GREB1L: variants seen among roughly 807,000 people sequenced by gnomAD.
GREB1L encodes GREB1 like retinoic acid receptor coactivator.
A neutral mutation model predicts 200.8 loss-of-function variants in GREB1L; 17 were observed. That is an observed-to-expected ratio of 0.08 (90% CI 0.06 to 0.13). The LOEUF is 0.13. Among genes scored for constraint, GREB1L ranks in the 10% least tolerant of loss-of-function variants. The pLI is 1.00. For missense variants in GREB1L, 1,657 were observed against 2,367.7 expected (o/e 0.70, Z 6.23); for synonymous variants, 789 against 893.0 (o/e 0.88, Z 2.08).
intron 1 of GREB1L, among the ~76,000 whole-genome samples, chr18:21,330,321 G>A (rs2039089462): frequency 6.6e-6 from 1 of 152,200 alleles, no homozygotes; most frequent in Non-Finnish European, 1.5e-5. Flanking sequence ...AGTATTCAAG[G>A]TCACTGTGGT....
In GREB1L at chr18:21,357,319, T is replaced by C. The variant is rs181527771; in HGVS notation, c.-119-8708T>C. 7.7e-4 allele frequency among the ~76,000 whole-genome samples: 117 copies of C among 152,376 alleles called. 2 individuals carry two copies. The highest frequency in any genetic ancestry group is 2.7e-3 in the African/African-American group (113 of 41,590). On this transcript the variant is annotated intron_variant, in intron 1 of 32. Transcript: ENST00000424526. ...CGCCCGCCTCAGCCTCCCAAAGTGT[T>C]GGGATTACAGGCGTGAGCCTCTGCG...
At chr18:21,414,436 A>G (rs564543067) in intron 7 of GREB1L, among the ~76,000 whole-genome samples, 16 of 152,344 alleles carry the variant, frequency 1.1e-4, no homozygotes, top group African/African-American at 3.8e-4. Flanking sequence ...AAACATAAAA[A>G]TTCTCAAAAT....
intron 23 of GREB1L, 135 bp downstream of exon 23, chr18:21,500,777 A>T (rs1226890387): frequency 1.5e-6 from 1 of 650,750 alleles, no homozygotes; most frequent in Admixed American, 3.5e-5. Flanking sequence ...GCTAAAGATA[A>T]TGTGCCCAAG....
At chr18:21,248,992 G>T (rs1273492430) in intron 1 of GREB1L, among the ~76,000 whole-genome samples, 1 of 152,102 alleles carries the variant, frequency 6.6e-6, no homozygotes, top group Non-Finnish European at 1.5e-5. Flanking sequence ...ATGCACAAAG[G>T]CATATAGCAA....
chr18:21,356,550 C>T (rs1159876970), intron 1 of GREB1L, among the ~76,000 whole-genome samples: 2 of 152,108 alleles, frequency 1.3e-5, no homozygotes, highest in African/African-American at 4.8e-5. Context: ...ATATATACCA[C>T]ATTTTCCTTG....
chr18:21,499,769 T>C lies in GREB1L; in HGVS notation c.3432T>C (p.Ala1144=), dbSNP rs2036698205. Reference sequence around the variant, plus strand: ...ATGGAGTGAGCTCTTCCAGCACAGCTGACAAGTCCCAGAAGCAGTCCCTGA... The same window carrying C: ...ATGGAGTGAGCTCTTCCAGCACAGCCGACAAGTCCCAGAAGCAGTCCCTGA... ...MENGVSSSST[A]DKSQKQSLTP... Residue 1144 remains alanine, a synonymous_variant, in exon 22 of 33, where the codon GCT becomes GCC. Coordinates refer to ENST00000424526, the MANE Select transcript of GREB1L (RefSeq NM_001142966.3). The C allele has an allele frequency of 2.6e-6, 4 of 1,552,050 alleles. No individual in the cohort carries two copies. The highest frequency in any genetic ancestry group is 1.7e-4 in the Middle Eastern group (1 of 5,994).
chr18:21,420,099 G>C (rs895056366), intron 7 of GREB1L, among the ~76,000 whole-genome samples: 3 of 152,118 alleles, frequency 2.0e-5, no homozygotes, highest in Admixed American at 2.0e-4. Flanking sequence ...ACAGACGGGC[G>C]CGGTGGCTCA....
intron 23 of GREB1L, among the ~76,000 whole-genome samples, chr18:21,504,882 A>T (rs2036950154): frequency 6.6e-6 from 1 of 152,106 alleles, no homozygotes; most frequent in Non-Finnish European, 1.5e-5. Flanking sequence ...CTCAACCGTG[A>T]CTGCATATTG....
intron 14 of GREB1L, chr18:21,452,484 T>A: frequency 2.8e-6 from 1 of 356,016 alleles, no homozygotes; most frequent in South Asian, 5.7e-5. Flanking sequence ...CTCTGAAAGA[T>A]TCCAGGACAT....
Position 21,418,457 on chromosome 18 carries a change from G to T in GREB1L, c.832+14463G>T, listed in dbSNP as rs1163762943. Among the ~76,000 whole-genome samples the T allele has an allele frequency of 5.3e-5, 8 of 152,028 alleles. No individual in the cohort carries two copies. In the South Asian group the frequency reaches 1.7e-3, roughly 32 times the overall value. Reference sequence around the variant, plus strand: ...ATAAATAATTGTTATACTGTATTGGGTTTTTAAATTTGTATTTTTATTGTT... The same window carrying T: ...ATAAATAATTGTTATACTGTATTGGTTTTTTAAATTTGTATTTTTATTGTT... On this transcript the variant is annotated intron_variant, in intron 7 of 32. Transcript: ENST00000424526.
chr18:21,402,602 A>G (rs1232185001), intron 6 of GREB1L, among the ~76,000 whole-genome samples: 2 of 150,104 alleles, frequency 1.3e-5, no homozygotes, highest in Non-Finnish European at 3.0e-5. Flanking sequence ...GCTCACTGCA[A>G]CCTCTCCCAC....
At chr18:21,449,904 G>A in intron 12 of GREB1L, 68 bp downstream of exon 12, 2 of 1,228,790 alleles carry the variant, frequency 1.6e-6, no homozygotes, top group Non-Finnish European at 2.2e-6. Flanking sequence ...TTAAAAATGT[G>A]TGTTATGTGT....
intron 22 of GREB1L, 42 bp downstream of exon 22, chr18:21,500,348 GGCGC>G (rs2036735231): frequency 1.1e-6 from 1 of 922,020 alleles, no homozygotes. Context: ...GGCTGGGGTT[GGCGC>G]GTCTTCCTCA....
At chr18:21,324,953 C>T (rs1273353868) in intron 1 of GREB1L, among the ~76,000 whole-genome samples, 2 of 152,186 alleles carry the variant, frequency 1.3e-5, no homozygotes, top group Non-Finnish European at 2.9e-5. Flanking sequence ...GAAGCAGTTC[C>T]GTATGGCATG....
chr18:21,342,324 C>T (rs2039281073), intron 1 of GREB1L, among the ~76,000 whole-genome samples: 1 of 152,052 alleles, frequency 6.6e-6, no homozygotes, highest in Admixed American at 6.6e-5. Flanking sequence ...ATTCAAGAAC[C>T]ATCCTTAGGT....
intron 1 of GREB1L, among the ~76,000 whole-genome samples, chr18:21,355,059 G>GTC (rs1360070283): frequency 6.6e-6 from 1 of 152,114 alleles, no homozygotes; most frequent in Non-Finnish European, 1.5e-5. Context: ...ACCCATGAAG[G>GTC]TCTCTCCACA....
rs772662164 is a variant in GREB1L at position 21,307,881 on chromosome 18, C to T, written c.-119-58146C>T. ...TATAAGACTTTCTCCTTTGGGGTTC[C>T]TGTAATCAATCCTTCTCATCTCTTT... On this transcript the variant is annotated intron_variant, in intron 1 of 32. Coordinates refer to ENST00000424526, the MANE Select transcript of GREB1L (RefSeq NM_001142966.3). 4.0e-5 allele frequency among the ~76,000 whole-genome samples: 6 copies of T among 150,912 alleles called. No individual in the cohort carries two copies. In the East Asian group the frequency reaches 1.2e-3, roughly 29 times the overall value.
intron 17 of GREB1L, among the ~76,000 whole-genome samples, chr18:21,485,078 A>T (rs1329134320): frequency 6.6e-6 from 1 of 152,174 alleles, no homozygotes; most frequent in Non-Finnish European, 1.5e-5. Flanking sequence ...CATAGTGATG[A>T]CTGACTCATC....
intron 17 of GREB1L, among the ~76,000 whole-genome samples, chr18:21,482,642 A>ATTTTTTTTTTTTTTTTTTT (rs35313539): frequency 1.7e-5 from 2 of 118,100 alleles, no homozygotes; most frequent in Non-Finnish European, 3.4e-5. Flanking sequence ...TAGATTACAG[A>ATTTTTTTTTTTTTTTTTTT]TTTTTTTTTT....
Sources: allele counts gnomAD v4.1 joint callset (sites outside exome capture counted in the v4.1 genomes callset), GRCh38; gene constraint gnomAD v4.1.1; transcripts MANE v1.5; gene names NCBI Gene and HGNC (gene_info 2026-07-23, HGNC 2026-07-21).